The following MYOCD variants were observed in gnomAD, a reference collection of about 807,000 sequenced individuals.
MYOCD encodes the protein myocardin.
A neutral mutation model predicts 96.1 loss-of-function variants in MYOCD; 32 were observed. That is an observed-to-expected ratio of 0.33 (90% confidence interval 0.25 to 0.45). MYOCD has a LOEUF of 0.45. MYOCD is among the 20% of genes least tolerant of loss of function. The pLI is 1.00. For missense variants in MYOCD, 1,133 were observed against 1,200.6 expected, an observed-to-expected ratio of 0.94 and a Z score of 0.83; for synonymous variants, 469 against 469.0, an observed-to-expected ratio of 1.00 and a Z score of 0.00.
intron 1 of MYOCD, among the ~76,000 whole-genome samples, chr17:12,670,901 T>C (rs866653914): frequency 3.3e-5 from 5 of 152,202 alleles, no homozygotes; most frequent in Non-Finnish European, 2.9e-5. Flanking sequence ...GGGGTCTGGC[T>C]CAAGCCACCT....
rs140158901 is a variant in MYOCD at position 12,704,046 on chromosome 17, C to G, written c.56-1082C>G. On this transcript the variant is annotated intron_variant, in intron 1 of 13. Transcript: ENST00000425538. ...ACCCATCTCGAGGTTTGCATCTGTT[C>G]ATTGTCTTTTCCATTTAGAATTGGT... is the stretch of plus-strand genomic sequence containing the variant. 1.5e-3 allele frequency among the ~76,000 whole-genome samples: 235 copies of G among 152,226 alleles called. 3 individuals are homozygous for G. Among genetic ancestry groups the G allele is most frequent in the African/African-American group, 5.2e-3 (217 of 41,548 alleles).
chr17:12,720,354 G>C (rs1338958276), intron 4 of MYOCD: 2 of 152,108 alleles, frequency 1.3e-5, no homozygotes, highest in African/African-American at 4.8e-5. Flanking sequence ...TCAGCATGTG[G>C]AAGGTTTTTC....
Position 12,750,587 on chromosome 17 carries a change from G to C in MYOCD, c.1126-1827G>C, listed in dbSNP as rs377131953. ...GCCTGTAATCCCAGCTACTCGGGAG[G>C]CTGAGGCGGGAGAATTGCTTGAACC... On this transcript the variant is annotated intron_variant, in intron 9 of 13. Coordinates refer to ENST00000425538, the MANE Select transcript of MYOCD (RefSeq NM_001146312.3). Among the ~76,000 whole-genome samples the C allele has an allele frequency of 2.0e-5, 3 of 152,220 alleles. No individual in the cohort carries two copies. In the East Asian group the frequency reaches 5.8e-4, roughly 29 times the overall value.
intron 1 of MYOCD, among the ~76,000 whole-genome samples, chr17:12,690,305 C>T (rs1308510249): frequency 2.6e-5 from 4 of 152,100 alleles, no homozygotes; most frequent in African/African-American, 9.7e-5. Context: ...ACCATTGTTA[C>T]TTATCAAATT....
intron 7 of MYOCD, among the ~76,000 whole-genome samples, chr17:12,743,784 C>G (rs528656251): frequency 6.6e-6 from 1 of 152,254 alleles, no homozygotes; most frequent in East Asian, 1.9e-4. Flanking sequence ...CAGGTGTGAG[C>G]CATCGCTCCC....
chr17:12,723,246 G>A (rs143742740), intron 5 of MYOCD, among the ~76,000 whole-genome samples: 88 of 152,306 alleles, frequency 5.8e-4, no homozygotes, highest in Middle Eastern at 3.4e-3. Flanking sequence ...AGTCAGGCAA[G>A]TTGAGAACCT....
At chr17:12,727,572 ATG>A (rs2032035830) in intron 5 of MYOCD, among the ~76,000 whole-genome samples, 1 of 151,900 alleles carries the variant, frequency 6.6e-6, no homozygotes, top group African/African-American at 2.4e-5. Context: ...GCCTTTCCAG[ATG>A]TGTTTACATT....
intron 10 of MYOCD, 109 bp downstream of exon 10, chr17:12,753,455 C>A: frequency 1.0e-6 from 1 of 995,546 alleles, no homozygotes; most frequent in Non-Finnish European, 1.4e-6. Context: ...AAGGGTTTAC[C>A]AAAAGCATAG....
intron 1 of MYOCD, among the ~76,000 whole-genome samples, chr17:12,693,598 A>G (rs2030576039): frequency 6.8e-6 from 1 of 146,698 alleles, no homozygotes; most frequent in Non-Finnish European, 1.5e-5. Context: ...AGTCGCAGAG[A>G]GACTCTGTCT....
chr17:12,737,458 G>C (rs1350301140), intron 6 of MYOCD, among the ~76,000 whole-genome samples: 1 of 152,114 alleles, frequency 6.6e-6, no homozygotes, highest in African/African-American at 2.4e-5. Flanking sequence ...CAACTGGTGG[G>C]CTCTAGAAGT....
At chr17:12,698,316 A>T (rs1157209585) in intron 1 of MYOCD, among the ~76,000 whole-genome samples, 2 of 152,206 alleles carry the variant, frequency 1.3e-5, no homozygotes, top group Non-Finnish European at 2.9e-5. Flanking sequence ...AAAAGTCATA[A>T]GCCAGTCCAT....
At chr17:12,688,376 C>T (rs2030240417) in intron 1 of MYOCD, among the ~76,000 whole-genome samples, 1 of 152,244 alleles carries the variant, frequency 6.6e-6, no homozygotes, top group Non-Finnish European at 1.5e-5. Context: ...TAGCCAGATT[C>T]ATTGTGAAAT....
In MYOCD at chr17:12,705,206, A is replaced by G. The variant is rs765805304; in HGVS notation, c.121+13A>G. On this transcript the variant is annotated intron_variant, in intron 2 of 13. Coordinates refer to ENST00000425538, the MANE Select transcript of MYOCD (RefSeq NM_001146312.3). ...GGCATAATACCACGTGAGTACCTGC[A>G]TCTCTTAATTACTGATATACATAGG... The G allele has an allele frequency of 2.1e-5, 33 of 1,600,078 alleles. No homozygotes were observed. The highest frequency in any genetic ancestry group is 1.9e-5 in the Non-Finnish European group (22 of 1,167,616).
intron 7 of MYOCD, among the ~76,000 whole-genome samples, chr17:12,741,398 A>G (rs2032503706): frequency 6.6e-6 from 1 of 152,230 alleles, no homozygotes; most frequent in Admixed American, 6.5e-5. Context: ...CTATCACAGT[A>G]TTTAAATTTT....
At chr17:12,743,587 G>A (rs918237735) in intron 7 of MYOCD, among the ~76,000 whole-genome samples, 2 of 149,716 alleles carry the variant, frequency 1.3e-5, no homozygotes, top group African/African-American at 4.9e-5. Context: ...CTGCCTCCTG[G>A]GTTCAAGCAA....
intron 10 of MYOCD, among the ~76,000 whole-genome samples, chr17:12,755,643 G>A (rs2032990859): frequency 6.6e-6 from 1 of 152,180 alleles, no homozygotes; most frequent in Non-Finnish European, 1.5e-5. Context: ...AGAGGCTGAG[G>A]CGGGTGGATC....
chr17:12,757,651 T>C (rs990337003), intron 11 of MYOCD, among the ~76,000 whole-genome samples: 1 of 152,074 alleles, frequency 6.6e-6, no homozygotes, highest in Non-Finnish European at 1.5e-5. Flanking sequence ...CGCACCACCA[T>C]GCCTGGCTAA....
At chr17:12,678,163 T>A (rs1239219884) in intron 1 of MYOCD, among the ~76,000 whole-genome samples, 1 of 152,020 alleles carries the variant, frequency 6.6e-6, no homozygotes, top group African/African-American at 2.4e-5. Context: ...AGTGCTGGGA[T>A]TACAGGTGTG....
chr17:12,757,081 A>G (rs1203829772), intron 11 of MYOCD, among the ~76,000 whole-genome samples: 3 of 152,170 alleles, frequency 2.0e-5, no homozygotes, highest in East Asian at 3.9e-4. Flanking sequence ...GGGAAACAAC[A>G]TTGGAGGAAG....
Sources: gnomAD v4.1 joint callset for allele counts (sites outside exome capture counted in the v4.1 genomes callset) on GRCh38, gnomAD v4.1.1 for gene constraint, MANE v1.5 for transcripts, NCBI Gene and HGNC (gene_info 2026-07-23, HGNC 2026-07-21) for gene names.